Variants in RRP12 observed in about 807,000 individuals in gnomAD.
RRP12 encodes RRP12-like protein.
A neutral mutation model predicts 157.3 loss-of-function variants in RRP12; 78 were observed. That is an observed-to-expected ratio of 0.50 (90% CI 0.41 to 0.60). The LOEUF is 0.60. Among genes scored for constraint, RRP12 ranks in the 20% least tolerant of loss-of-function variants. RRP12 has a pLI of 0.00. For missense variants in RRP12, 1,521 were observed against 1,679.9 expected (o/e 0.91, Z 1.65); for synonymous variants, 726 against 670.9 (o/e 1.08, Z -1.27).
rs200572234 is a variant in RRP12 at position 97,370,736 on chromosome 10, T to A, written c.2563A>T (p.Ile855Phe). 4 of 1,614,128 alleles carry A rather than the reference T, an allele frequency of 2.5e-6. No individual in the cohort carries two copies. In the African/African-American group the frequency reaches 4.0e-5, roughly 16 times the overall value. ...CTCACCTCTGGGATGAGGGCAGTGATGAACTCCTTGTGTTCAGCTGAGAGC... is the reference window on the plus strand; with the variant it reads ...CTCACCTCTGGGATGAGGGCAGTGAAGAACTCCTTGTGTTCAGCTGAGAGC... ...RKLSAEHKEF[I>F]TALIPEVILC... The change falls in exon 22 of 34, where the codon ATC (isoleucine) becomes TTC (phenylalanine). Residue 855 changes from isoleucine (I) to phenylalanine (F), a missense_variant. Transcript: ENST00000370992.
Position 97,381,268 on chromosome 10 carries a change from G to A in RRP12, c.1418+118C>T, listed in dbSNP as rs567200772. 28 of 749,980 alleles carry A rather than the reference G, an allele frequency of 3.7e-5. No individual in the cohort carries two copies. In the East Asian group the frequency reaches 5.8e-4, roughly 16 times the overall value. The allele number at this position is 749,980 out of a possible 1,614,324, so 46.5% of individuals were successfully genotyped here. A position where few individuals can be genotyped will look rare whatever the true frequency, so the allele number is the denominator to read the frequency against. ...TGTTCAGTAAGCAGCCTGCAATCCCGTAAAGCACTGCCACTGCAGGCCTGG... is the reference window on the plus strand; with the variant it reads ...TGTTCAGTAAGCAGCCTGCAATCCCATAAAGCACTGCCACTGCAGGCCTGG... On this transcript the variant is annotated intron_variant, in intron 12 of 33. Transcript: ENST00000370992.
At chr10:97,367,470 A>G (rs542598110) in intron 25 of RRP12, 174 of 328,074 alleles carry the variant, frequency 5.3e-4, no homozygotes, top group Admixed American at 3.9e-3. Context: ...ATAGAAGAGG[A>G]CACGGCGGCA....
chr10:97,388,171 C>T, intron 8 of RRP12, 81 bp downstream of exon 8: 1 of 1,580,748 alleles, frequency 6.3e-7, no homozygotes, highest in South Asian at 1.1e-5. Context: ...ACCCCAGGCC[C>T]TGCATTTTGA....
Position 97,370,436 on chromosome 10 carries a change from C to T in RRP12, c.2689+19G>A, listed in dbSNP as rs758791574. 7.0e-6 allele frequency: 11 copies of T among 1,565,828 alleles called. No homozygotes were observed. The highest frequency in any genetic ancestry group is 3.7e-5 in the Admixed American group (2 of 54,224). On this transcript the variant is annotated intron_variant, in intron 23 of 33. Transcript: ENST00000370992. ...CAGTCTATGAGCAGAGTGTCCACCC[C>T]CAGCCCCCTGGGCCTCACCTTCCTG...
chr10:97,373,010 C>G, intron 18 of RRP12, 36 bp downstream of exon 18: 1 of 1,579,718 alleles, frequency 6.3e-7, no homozygotes, highest in Non-Finnish European at 8.6e-7. Flanking sequence ...CCTGAGAGCT[C>G]CCCTCCTCCC....
intron 2 of RRP12, among the ~76,000 whole-genome samples, chr10:97,397,992 CGTATATATATATACATAT>C (rs1845017230): frequency 2.3e-5 from 1 of 42,786 alleles, no homozygotes; most frequent in Non-Finnish European, 4.4e-5. Context: ...AAAAAAAATA[CGTATATATATATACATAT>C]ATATATATAT....
At chr10:97,387,644 A>T (rs1209599024) in intron 8 of RRP12, among the ~76,000 whole-genome samples, 3 of 46,882 alleles carry the variant, frequency 6.4e-5, no homozygotes, top group Admixed American at 6.3e-4. Context: ...TAAAGCTGCT[A>T]AAAAAAAAAA....
chr10:97,395,563 AAAG>A (rs1844937078), intron 3 of RRP12, among the ~76,000 whole-genome samples: 2 of 146,096 alleles, frequency 1.4e-5, no homozygotes, highest in Admixed American at 6.8e-5. Flanking sequence ...AAAAAAAAAA[AAAG>A]TAGACCAGGC....
intron 9 of RRP12, 37 bp from the exon 10 acceptor site, chr10:97,385,294 G>A: frequency 1.3e-6 from 2 of 1,497,450 alleles, no homozygotes. Flanking sequence ...GAGCATGCAG[G>A]GTCTGCAATA....
Position 97,372,078 on chromosome 10 carries a change from G to T in RRP12, c.2338C>A (p.Leu780Ile). The T allele has an allele frequency of 6.2e-7, 1 of 1,612,520 alleles. No homozygotes were observed. Among genetic ancestry groups the T allele is most frequent in the Non-Finnish European group, 8.5e-7 (1 of 1,179,092 alleles). Residue 780 changes from leucine to isoleucine, a missense_variant, in exon 20 of 34, where the codon CTA (leucine) becomes ATA (isoleucine). Transcript: ENST00000370992. ...SKLYSTIRPY[L>I]ESKAHGVQKK... ...TCCTGGCCCCCGAGGCTCACCTCTA[G>T]GTAGGGCCGGATGGTGGAGTATAGC...
chr10:97,370,408 A>T, intron 23 of RRP12, 47 bp downstream of exon 23: 1 of 1,078,618 alleles, frequency 9.3e-7, no homozygotes, highest in Non-Finnish European at 1.4e-6. Flanking sequence ...GCTTCCCCCC[A>T]CCCAGTCTAT....
At chr10:97,379,547 T>C (rs1844404980) in intron 14 of RRP12, 81 bp downstream of exon 14, 2 of 1,595,024 alleles carry the variant, frequency 1.3e-6, no homozygotes, top group Admixed American at 3.4e-5. Flanking sequence ...ACACAGACTT[T>C]AGCCCACAGC....
chr10:97,382,720 G>A (rs1366156818), intron 10 of RRP12, among the ~76,000 whole-genome samples: 3 of 151,756 alleles, frequency 2.0e-5, no homozygotes, highest in Non-Finnish European at 4.4e-5. Context: ...ATATCTTGGA[G>A]TTCTTTCCAT....
chr10:97,368,887 G>A (rs901052291), intron 25 of RRP12, among the ~76,000 whole-genome samples: 1 of 152,260 alleles, frequency 6.6e-6, no homozygotes, highest in Non-Finnish European at 1.5e-5. Context: ...GAGGCAGTAG[G>A]TACAGTGCAC....
In RRP12 at chr10:97,390,838, G is replaced by A. The variant is rs960722718; in HGVS notation, c.537C>T (p.Pro179=). ...AGAACTTCTTAATAAGCACAGGGCT[G>A]GGAACACTGTGGGAAAGAACAGAGA... ...YLLNLVLKRV[P]SPVLIKKFSD... is the part of the protein sequence containing the mutation. The change falls in exon 5 of 34, where the codon CCC becomes CCT. Residue 179 remains proline (P), a synonymous_variant. Transcript: ENST00000370992. 4.4e-6 allele frequency: 7 copies of A among 1,603,268 alleles called. No homozygotes were observed. Among genetic ancestry groups the A allele is most frequent in the Admixed American group, 1.7e-5 (1 of 59,984 alleles).
chr10:97,366,807 C>G lies in RRP12; in HGVS notation c.3150G>C (p.Gln1050His), dbSNP rs764674097. 6.8e-6 allele frequency: 11 copies of G among 1,614,122 alleles called. No homozygotes were observed. Among genetic ancestry groups the G allele is most frequent in the African/African-American group, 1.3e-5 (1 of 74,954 alleles). ...CCTCTTCTTCCTCCTCCACGGCAGC[C>G]TGGCTCAGGGCTCGGTGCCTCTTGG... ...ARAKRHRALS[Q>H]AAVEEEEEEE... is the part of the protein sequence containing the mutation. The change falls in exon 27 of 34, where the codon CAG (glutamine) becomes CAC (histidine). Residue 1050 changes from glutamine to histidine, a missense_variant. Coordinates refer to ENST00000370992, the MANE Select transcript of RRP12 (RefSeq NM_015179.4).
At chr10:97,384,327 C>A (rs1844554253) in intron 10 of RRP12, among the ~76,000 whole-genome samples, 1 of 150,872 alleles carries the variant, frequency 6.6e-6, no homozygotes, top group African/African-American at 2.5e-5. Flanking sequence ...GCCCTGAGGA[C>A]CCCCAACCTC....
chr10:97,370,458 C>T lies in RRP12; in HGVS notation c.2686G>A (p.Glu896Lys). 6.3e-7 allele frequency: 1 copy of T among 1,598,386 alleles called. No homozygotes were observed. The highest frequency in any genetic ancestry group is 8.5e-7 in the Non-Finnish European group (1 of 1,172,952). ...HAFLRFGSNQ[E>K]EALQCYLVLI... ...CCCCCAGCCCCCTGGGCCTCACCTTCCTGGTTCGAGCCAAACCTTAGGAAA... is the reference window on the plus strand; with the variant it reads ...CCCCCAGCCCCCTGGGCCTCACCTTTCTGGTTCGAGCCAAACCTTAGGAAA... Residue 896 changes from glutamate to lysine, a missense_variant, in exon 23 of 34, where the codon GAA (glutamate) becomes AAA (lysine). Glu to Lys is a moderately conservative substitution (Grantham distance 56, BLOSUM62 1). Coordinates refer to ENST00000370992, the MANE Select transcript of RRP12 (RefSeq NM_015179.4).
intron 9 of RRP12, among the ~76,000 whole-genome samples, chr10:97,385,528 T>G (rs1190237554): frequency 1.4e-5 from 2 of 140,470 alleles, no homozygotes; most frequent in Non-Finnish European, 3.2e-5. Flanking sequence ...GAGGCCTTCT[T>G]TGAAAAAAAA....
Sources: allele counts gnomAD v4.1 joint callset (sites outside exome capture counted in the v4.1 genomes callset), GRCh38; gene constraint gnomAD v4.1.1; transcripts MANE v1.5; gene names NCBI Gene and HGNC (gene_info 2026-07-23, HGNC 2026-07-21).